The following CDH4 variants were observed in gnomAD, a reference collection of about 807,000 sequenced individuals.
CDH4 encodes cadherin 4.
CDH4 carries 33 observed loss-of-function variants against 86.0 expected under a neutral mutation model. The observed-to-expected ratio is 0.38, with a 90% CI of 0.29 to 0.51. The LOEUF is 0.51. Among genes scored for constraint, CDH4 ranks in the 20% least tolerant of loss-of-function variants. CDH4 has a pLI of 0.86. For missense variants in CDH4, 1,114 were observed against 1,307.4 expected, an observed-to-expected ratio of 0.85 and a Z score of 2.28; for synonymous variants, 555 against 549.4, an observed-to-expected ratio of 1.01 and a Z score of -0.14.
At chr20:61,806,534 C>CA (rs1980137452) in intron 4 of CDH4, among the ~76,000 whole-genome samples, 1 of 150,968 alleles carries the variant, frequency 6.6e-6, no homozygotes, top group Non-Finnish European at 1.5e-5. Flanking sequence ...CACGTGTGCA[C>CA]ACACATGTCC....
At chr20:61,895,914 C>T (rs929873708) in intron 8 of CDH4, among the ~76,000 whole-genome samples, 50 of 152,196 alleles carry the variant, frequency 3.3e-4, no homozygotes, top group Admixed American at 1.5e-3. Flanking sequence ...CCCCGGGAGC[C>T]CCTCTAGAAA....
chr20:61,758,113 G>A (rs1361539328), intron 3 of CDH4, among the ~76,000 whole-genome samples: 2 of 152,106 alleles, frequency 1.3e-5, no homozygotes, highest in Non-Finnish European at 2.9e-5. Flanking sequence ...CAAATGCTGT[G>A]CAGGCACATT....
chr20:61,584,419 G>T (rs371105490), intron 2 of CDH4, among the ~76,000 whole-genome samples: 1 of 152,058 alleles, frequency 6.6e-6, no homozygotes. Flanking sequence ...ATCCCAGACC[G>T]CATGCATTTC....
At chr20:61,660,970 T>G (rs936672678) in intron 2 of CDH4, among the ~76,000 whole-genome samples, 3 of 152,066 alleles carry the variant, frequency 2.0e-5, no homozygotes, top group African/African-American at 7.2e-5. Context: ...CTCCATCCTT[T>G]TCTGCTCTGA....
At chr20:61,289,764 C>T (rs111811018) in intron 2 of CDH4, among the ~76,000 whole-genome samples, 123 of 15,604 alleles carry the variant, frequency 7.9e-3, no homozygotes, top group African/African-American at 0.01. Flanking sequence ...CCGTATCCAA[C>T]GAGACTTGCT....
intron 2 of CDH4, among the ~76,000 whole-genome samples, chr20:61,300,267 G>T (rs984438898): frequency 4.6e-5 from 7 of 152,086 alleles, no homozygotes; most frequent in African/African-American, 1.7e-4. Context: ...GCGGGTAAAG[G>T]GATATTAAGG....
intron 2 of CDH4, among the ~76,000 whole-genome samples, chr20:61,430,651 C>T (rs1892311): frequency 0.24 from 37,024 of 152,054 alleles, 5,282 homozygotes; most frequent in East Asian, 0.53. Flanking sequence ...ATCCCAGCCT[C>T]GCCGGTGACA....
Position 61,800,386 on chromosome 20 carries a change from C to T in CDH4, c.576+27204C>T, listed in dbSNP as rs377107510. Among the ~76,000 whole-genome samples, 26 of 152,336 alleles carry T rather than the reference C, an allele frequency of 1.7e-4. 1 individual carries two copies. The highest frequency in any genetic ancestry group is 6.3e-4 in the African/African-American group (26 of 41,594). ...TTTAGACTACGCCAAGAGTCCCATG[C>T]CCGCCGCAGGGCTGACCCAGCTTCA... On this transcript the variant is annotated intron_variant, in intron 4 of 15. Transcript: ENST00000614565.
intron 6 of CDH4, among the ~76,000 whole-genome samples, chr20:61,866,825 A>G (rs1557183): frequency 0.26 from 39,579 of 152,224 alleles, 5,376 homozygotes; most frequent in East Asian, 0.36. Flanking sequence ...AGATTCCTGA[A>G]CGTAGCAAAA....
At chr20:61,451,646 G>A (rs1057429927) in intron 2 of CDH4, among the ~76,000 whole-genome samples, 4 of 151,920 alleles carry the variant, frequency 2.6e-5, no homozygotes, top group African/African-American at 4.8e-5. Context: ...AGCTGGGGTC[G>A]CCAAGGAAAA....
chr20:61,807,578 G>A lies in CDH4; in HGVS notation c.576+34396G>A, dbSNP rs1459845852. ...CATCAGCGAGGGGAGTGTGACCAAG[G>A]GCAGGTGTTCCGTGCAGGGCTGGTT... On this transcript the variant is annotated intron_variant, in intron 4 of 15. Transcript: ENST00000614565. The surrounding 1 kb of genome is among the most constrained non-coding windows in gnomAD (Gnocchi z 4.5). Among the ~76,000 whole-genome samples, 1 of 152,194 alleles carries A rather than the reference G, an allele frequency of 6.6e-6. No homozygotes were observed. The highest frequency in any genetic ancestry group is 1.5e-5 in the Non-Finnish European group (1 of 68,030).
chr20:61,313,941 C>A (rs1449601682), intron 2 of CDH4, among the ~76,000 whole-genome samples: 1 of 152,136 alleles, frequency 6.6e-6, no homozygotes, highest in African/African-American at 2.4e-5. Context: ...CATCATGTTG[C>A]CCAGGCTGCT....
intron 2 of CDH4, among the ~76,000 whole-genome samples, chr20:61,281,965 G>C (rs2084261281): frequency 1.3e-5 from 2 of 152,212 alleles, no homozygotes; most frequent in South Asian, 4.2e-4. Context: ...CCAGAGAACA[G>C]CAGCACACTG....
At chr20:61,749,226 C>G (rs1280629558) in intron 3 of CDH4, among the ~76,000 whole-genome samples, 1 of 151,816 alleles carries the variant, frequency 6.6e-6, no homozygotes, top group African/African-American at 2.4e-5. Context: ...AATATTTATG[C>G]CAAAATTGAT....
rs1179122995 is a variant in CDH4 at position 61,383,719 on chromosome 20, GAT to G, written c.169+128788_169+128789del. Among the ~76,000 whole-genome samples, 185 of 106,056 alleles carry G rather than the reference GAT, an allele frequency of 1.7e-3. 19 individuals carry two copies. Among genetic ancestry groups the G allele is most frequent in the African/African-American group, 5.6e-3 (176 of 31,316 alleles). The allele number at this position is 106,056 out of a possible 152,430, so 69.6% of individuals were successfully genotyped here. A position where few individuals can be genotyped will look rare whatever the true frequency, so the allele number is the denominator to read the frequency against. On this transcript the variant is annotated intron_variant, in intron 2 of 15. Transcript: ENST00000614565. ...ATATATATGAATGTATATGATATAT[GAT>G]ATATAAATATATGATATATATGAAG...
chr20:61,898,077 G>A (rs1254105697), intron 8 of CDH4, among the ~76,000 whole-genome samples: 1 of 152,172 alleles, frequency 6.6e-6, no homozygotes, highest in East Asian at 1.9e-4. Flanking sequence ...TAAATACTCG[G>A]GGTTAGGATG....
chr20:61,619,580 C>G (rs188485644), intron 2 of CDH4, among the ~76,000 whole-genome samples: 137 of 152,302 alleles, frequency 9.0e-4, no homozygotes, highest in African/African-American at 3.2e-3. Flanking sequence ...AGCTTTGTTT[C>G]CAGGACAGAG....
chr20:61,313,216 G>T (rs192632786), intron 2 of CDH4, among the ~76,000 whole-genome samples: 2 of 152,172 alleles, frequency 1.3e-5, no homozygotes, highest in Non-Finnish European at 2.9e-5. Context: ...GGCTTAGCCC[G>T]AGTGTCTGAT....
At chr20:61,764,159 T>C (rs578001882) in intron 3 of CDH4, among the ~76,000 whole-genome samples, 20 of 152,250 alleles carry the variant, frequency 1.3e-4, no homozygotes, top group South Asian at 6.2e-4. Flanking sequence ...AAATAAAATA[T>C]TGTGGCCCCA....
Sources: gnomAD v4.1 joint callset for allele counts (sites outside exome capture counted in the v4.1 genomes callset) on GRCh38, gnomAD v4.1.1 for gene constraint, Gnocchi (gnomAD v3.1) non-coding constraint, MANE v1.5 for transcripts, NCBI Gene and HGNC (gene_info 2026-07-23, HGNC 2026-07-21) for gene names.